The following SH3RF3 variants were observed in gnomAD, a reference collection of about 807,000 sequenced individuals.
SH3RF3 encodes E3 ubiquitin-protein ligase SH3RF3.
Under a neutral mutation model 66.3 loss-of-function variants are expected in SH3RF3, and 29 were observed. The ratio of observed to expected loss-of-function variants is 0.44; its 90% CI spans 0.33 to 0.60. The LOEUF is 0.60. SH3RF3 is among the 20% of genes least tolerant of loss of function. The pLI, the probability that SH3RF3 is intolerant of heterozygous loss-of-function variation, is 0.04. For synonymous variants in SH3RF3, 583 were observed against 532.0 expected (o/e 1.10, Z -1.32); for missense variants, 1,194 against 1,190.9 (o/e 1.00, Z -0.04).
chr2:109,439,430 G>GA (rs374854466), intron 7 of SH3RF3, among the ~76,000 whole-genome samples: 37 of 152,228 alleles, frequency 2.4e-4, no homozygotes, highest in African/African-American at 8.7e-4. Flanking sequence ...TTTAGAGAGA[G>GA]AAAAAACACT....
intron 1 of SH3RF3, among the ~76,000 whole-genome samples, chr2:109,255,122 T>TTG (rs1180733226): frequency 1.3e-5 from 2 of 151,986 alleles, no homozygotes; most frequent in Non-Finnish European, 2.9e-5. Context: ...AGATTAGTGT[T>TTG]TGTGTGTGTG....
chr2:109,263,580 A>C (rs750726490), intron 1 of SH3RF3, among the ~76,000 whole-genome samples: 1 of 152,152 alleles, frequency 6.6e-6, no homozygotes, highest in Non-Finnish European at 1.5e-5. Flanking sequence ...TGCTTTTAGG[A>C]GGTGGATTTT....
chr2:109,390,648 T>G (rs948128607), intron 3 of SH3RF3, among the ~76,000 whole-genome samples: 3 of 152,028 alleles, frequency 2.0e-5, no homozygotes, highest in Non-Finnish European at 4.4e-5. Context: ...GGGGGTGCGG[T>G]CGGCATTTCT....
intron 1 of SH3RF3, among the ~76,000 whole-genome samples, chr2:109,234,161 G>A (rs912801558): frequency 2.0e-5 from 3 of 152,204 alleles, no homozygotes; most frequent in Non-Finnish European, 4.4e-5. Flanking sequence ...GCTATACCAT[G>A]AAGTTAATAG....
chr2:109,164,912 C>G (rs539996244), intron 1 of SH3RF3, among the ~76,000 whole-genome samples: 1 of 152,248 alleles, frequency 6.6e-6, no homozygotes, highest in South Asian at 2.1e-4. Context: ...GGTCATGACA[C>G]TACAACTGGA....
At chr2:109,357,000 A>G (rs930867278) in intron 2 of SH3RF3, among the ~76,000 whole-genome samples, 4 of 152,134 alleles carry the variant, frequency 2.6e-5, no homozygotes, top group Non-Finnish European at 5.9e-5. Flanking sequence ...CTAGCACTGA[A>G]TGCAACATTC....
chr2:109,497,207 C>A (rs1189175856), intron 9 of SH3RF3, among the ~76,000 whole-genome samples: 1 of 152,184 alleles, frequency 6.6e-6, no homozygotes. Context: ...AGTTTAGTGT[C>A]CAGGGTATAG....
chr2:109,224,864 T>A (rs1033545743), intron 1 of SH3RF3, among the ~76,000 whole-genome samples: 17 of 151,926 alleles, frequency 1.1e-4, no homozygotes, highest in South Asian at 2.1e-4. Flanking sequence ...CTCAAAAAAA[T>A]TTTTTTTCAT....
At chr2:109,420,338 C>T (rs1405647504) in intron 5 of SH3RF3, among the ~76,000 whole-genome samples, 1 of 152,054 alleles carries the variant, frequency 6.6e-6, no homozygotes, top group African/African-American at 2.4e-5. Context: ...AACAAGATGA[C>T]ATAATACAGA....
chr2:109,215,814 G>A (rs1315070218), intron 1 of SH3RF3, among the ~76,000 whole-genome samples: 6 of 152,148 alleles, frequency 3.9e-5, no homozygotes, highest in African/African-American at 1.2e-4. Flanking sequence ...CTGTGTTCAG[G>A]TTGCACGAGT....
chr2:109,162,514 T>C (rs1677513114), intron 1 of SH3RF3, among the ~76,000 whole-genome samples: 1 of 152,262 alleles, frequency 6.6e-6, no homozygotes, highest in Non-Finnish European at 1.5e-5. Flanking sequence ...GCTGCACCCA[T>C]TAACTTGTCA....
intron 1 of SH3RF3, among the ~76,000 whole-genome samples, chr2:109,159,951 C>T (rs935616622): frequency 2.6e-5 from 4 of 152,080 alleles, no homozygotes; most frequent in Non-Finnish European, 4.4e-5. Flanking sequence ...TTCTATATTA[C>T]AATGTAATAA....
intron 1 of SH3RF3, among the ~76,000 whole-genome samples, chr2:109,285,796 G>A (rs1486358454): frequency 6.6e-6 from 1 of 152,232 alleles, no homozygotes; most frequent in Non-Finnish European, 1.5e-5. Flanking sequence ...CTGTGTGTTA[G>A]AGAGCATCCT....
intron 1 of SH3RF3, among the ~76,000 whole-genome samples, chr2:109,171,705 TTCCAGAGGCCCAG>T (rs1218768953): frequency 6.6e-6 from 1 of 152,242 alleles, no homozygotes; most frequent in African/African-American, 2.4e-5. Flanking sequence ...AGCTAATGCC[TTCCAGAGGCCCAG>T]CCCCTGCGCC....
At chr2:109,202,765 A>G (rs778477726) in intron 1 of SH3RF3, among the ~76,000 whole-genome samples, 11 of 152,036 alleles carry the variant, frequency 7.2e-5, no homozygotes, top group Non-Finnish European at 1.2e-4. Context: ...TTCCCATACT[A>G]TGGAGCTCTT....
At chr2:109,308,303 A>T (rs961720534) in intron 1 of SH3RF3, among the ~76,000 whole-genome samples, 1 of 120,344 alleles carries the variant, frequency 8.3e-6, no homozygotes. Flanking sequence ...GTTTGAGTTC[A>T]TTGTAGATTC....
chr2:109,439,731 CA>C (rs1677508339), intron 7 of SH3RF3, among the ~76,000 whole-genome samples: 2 of 151,878 alleles, frequency 1.3e-5, no homozygotes, highest in Admixed American at 1.3e-4. Context: ...AATTCATCAG[CA>C]AAAAAGCACC....
chr2:109,191,688 C>T (rs1295960678), intron 1 of SH3RF3, among the ~76,000 whole-genome samples: 1 of 152,154 alleles, frequency 6.6e-6, no homozygotes, highest in Non-Finnish European at 1.5e-5. Flanking sequence ...GGTGGTGTGA[C>T]AGTGAGGACC....
At chr2:109,483,774 G>A (rs1678893971) in intron 8 of SH3RF3, among the ~76,000 whole-genome samples, 1 of 152,122 alleles carries the variant, frequency 6.6e-6, no homozygotes, top group Non-Finnish European at 1.5e-5. Context: ...CTCCATGCCT[G>A]TCCCCTCCCC....
Sources: allele counts gnomAD v4.1 joint callset (sites outside exome capture counted in the v4.1 genomes callset), GRCh38; gene constraint gnomAD v4.1.1; transcripts MANE v1.5; gene names NCBI Gene and HGNC (gene_info 2026-07-23, HGNC 2026-07-21).